PIWIL2: variants seen among roughly 807,000 people sequenced by gnomAD.
PIWIL2 encodes the protein piwi like RNA-mediated gene silencing 2, also known as piwi-like protein 2.
Under a neutral mutation model 116.5 loss-of-function variants are expected in PIWIL2, and 81 were observed. That is an observed-to-expected ratio of 0.70 (90% CI 0.58 to 0.84). The LOEUF is 0.84. Ranked by LOEUF, PIWIL2 falls within the 40% of genes least tolerant of loss-of-function variation. PIWIL2 has a pLI of 0.00. For missense variants in PIWIL2, 1,272 were observed against 1,212.3 expected, an observed-to-expected ratio of 1.05 and a Z score of -0.73; for synonymous variants, 489 against 429.5, an observed-to-expected ratio of 1.14 and a Z score of -1.71.
intron 4 of PIWIL2, 142 bp from the exon 5 acceptor site, chr8:22,282,892 G>T: frequency 1.4e-6 from 1 of 693,712 alleles, no homozygotes; most frequent in Non-Finnish European, 2.5e-6. Context: ...GCCTGGCCTT[G>T]GCATATGTAG....
intron 8 of PIWIL2, 34 bp downstream of exon 8, chr8:22,288,700 A>G: frequency 6.3e-7 from 1 of 1,579,988 alleles, no homozygotes; most frequent in Non-Finnish European, 8.6e-7. Context: ...TTGTCCTGTA[A>G]CTTCAGTCTT....
chr8:22,277,981 C>A (rs1444761201), intron 1 of PIWIL2, among the ~76,000 whole-genome samples: 1 of 151,790 alleles, frequency 6.6e-6, no homozygotes, highest in Admixed American at 6.6e-5. Flanking sequence ...CCAGCCTGAC[C>A]AACATAGAGA....
intron 10 of PIWIL2, among the ~76,000 whole-genome samples, chr8:22,290,900 T>C (rs1210612219): frequency 3.9e-5 from 6 of 152,068 alleles, no homozygotes; most frequent in African/African-American, 9.6e-5. Flanking sequence ...TGGTTTGATA[T>C]ATGCGCATGC....
At chr8:22,341,347 G>C (rs572007548) in intron 20 of PIWIL2, among the ~76,000 whole-genome samples, 100 of 151,628 alleles carry the variant, frequency 6.6e-4, no homozygotes, top group Non-Finnish European at 1.1e-3. Flanking sequence ...TGTAATTCCG[G>C]CACTTTGGGA....
intron 20 of PIWIL2, among the ~76,000 whole-genome samples, chr8:22,324,738 TA>T (rs1831683298): frequency 6.6e-6 from 1 of 152,206 alleles, no homozygotes; most frequent in African/African-American, 2.4e-5. Flanking sequence ...ATGATTAAAT[TA>T]AAATGAGGTC....
intron 13 of PIWIL2, 150 bp from the exon 14 acceptor site, chr8:22,307,783 A>G (rs979798845): frequency 1.7e-6 from 1 of 597,330 alleles, no homozygotes; most frequent in Non-Finnish European, 3.0e-6. Flanking sequence ...TCACCTTCCT[A>G]AGAGATATAT....
Position 22,326,501 on chromosome 8 carries a change from T to C in PIWIL2, c.2403+8226T>C, listed in dbSNP as rs116991637. 7.2e-5 allele frequency among the ~76,000 whole-genome samples: 11 copies of C among 152,338 alleles called. No individual in the cohort carries two copies. The East Asian group carries it at 1.7e-3, about 24-fold the overall frequency. Reference sequence around the variant, plus strand: ...CCATGCCCATTAAATAATCATTCCTTATTCACACCTTCTCCTAATTTCTGG... The same window carrying C: ...CCATGCCCATTAAATAATCATTCCTCATTCACACCTTCTCCTAATTTCTGG... On this transcript the variant is annotated intron_variant, in intron 20 of 22. Transcript: ENST00000356766.
chr8:22,294,311 C>G (rs1015962161), intron 10 of PIWIL2, among the ~76,000 whole-genome samples: 10 of 137,692 alleles, frequency 7.3e-5, no homozygotes, highest in African/African-American at 2.1e-4. Context: ...ACACTCCAGC[C>G]TGGGTGACGG....
At chr8:22,306,065 CT>C (rs771556511) in intron 13 of PIWIL2, 49 bp downstream of exon 13, 3 of 1,329,942 alleles carry the variant, frequency 2.3e-6, no homozygotes, top group African/African-American at 2.9e-5. Flanking sequence ...GTGAGGCAGC[CT>C]TTTGGTTAAC....
rs568891491 is a variant in PIWIL2 at position 22,288,843 on chromosome 8, G to A, written c.986+177G>A. Among the ~76,000 whole-genome samples, 13 of 152,330 alleles carry A rather than the reference G, an allele frequency of 8.5e-5. No individual in the cohort carries two copies. The South Asian group carries it at 2.3e-3, about 27-fold the overall frequency. ...TTACTCAAAAATTATCTCACAAGTG[G>A]TAGACCAGATTTGAATATATGAAAT... is the stretch of plus-strand genomic sequence containing the variant. On this transcript the variant is annotated intron_variant, in intron 8 of 22. Transcript: ENST00000356766.
At chr8:22,310,982 A>T (rs1370249234) in intron 15 of PIWIL2, 130 bp from the exon 16 acceptor site, 1 of 752,116 alleles carries the variant, frequency 1.3e-6, no homozygotes. Context: ...TCATGTTAAT[A>T]CAGGAGTTAG....
chr8:22,349,419 G>GTATGTATGTATATATATATATATATATA (rs1213621776), intron 20 of PIWIL2, among the ~76,000 whole-genome samples: 4 of 134,442 alleles, frequency 3.0e-5, no homozygotes, highest in African/African-American at 1.1e-4. Flanking sequence ...ATGTGTGTGT[G>GTATGTATGTATATATATATATATATATA]TATATATATA....
intron 20 of PIWIL2, among the ~76,000 whole-genome samples, chr8:22,325,832 G>T (rs549503338): frequency 6.6e-6 from 1 of 152,156 alleles, no homozygotes; most frequent in African/African-American, 2.4e-5. Flanking sequence ...CTACCAGCAG[G>T]TATGCAAAAT....
chr8:22,348,973 G>A (rs1001105324), intron 20 of PIWIL2, among the ~76,000 whole-genome samples: 1 of 152,016 alleles, frequency 6.6e-6, no homozygotes, highest in Non-Finnish European at 1.5e-5. Context: ...TGAACTCAGT[G>A]GTTAGTTGGC....
rs147945034 is a variant in PIWIL2 at position 22,304,101 on chromosome 8, G to A, written c.1262G>A (p.Arg421Gln). 2.7e-5 allele frequency: 43 copies of A among 1,611,996 alleles called. No homozygotes were observed. Among genetic ancestry groups the A allele is most frequent in the African/African-American group, 5.3e-5 (4 of 74,856 alleles). The change falls in exon 11 of 23, where the codon CGA becomes CAA. Residue 421 changes from arginine to glutamine, a missense_variant. Transcript: ENST00000356766. ...CTGGTTGGCAATATTGTTATCACCCGATATAACAATCGTACCTATCGTATT... is the reference window on the plus strand; with the variant it reads ...CTGGTTGGCAATATTGTTATCACCCAATATAACAATCGTACCTATCGTATT... Reference protein sequence around the residue: ...KLLVGNIVITRYNNRTYRIDD... With the variant: ...KLLVGNIVITQYNNRTYRIDD...
chr8:22,339,506 CAAAA>C (rs60263168), intron 20 of PIWIL2, among the ~76,000 whole-genome samples: 37 of 147,588 alleles, frequency 2.5e-4, no homozygotes, highest in Non-Finnish European at 4.4e-4. Flanking sequence ...GACTCCATCT[CAAAA>C]AAAAAACTAT....
chr8:22,320,403 G>A (rs959383127), intron 20 of PIWIL2, among the ~76,000 whole-genome samples: 12 of 151,658 alleles, frequency 7.9e-5, no homozygotes, highest in Non-Finnish European at 1.5e-4. Context: ...GAGTAGCTGG[G>A]ATTACCTGCA....
At chr8:22,328,251 G>T (rs1207357051) in intron 20 of PIWIL2, among the ~76,000 whole-genome samples, 1 of 152,080 alleles carries the variant, frequency 6.6e-6, no homozygotes, top group Admixed American at 6.6e-5. Flanking sequence ...GGATGTTTGG[G>T]TTTATTTCTG....
chr8:22,334,798 T>C (rs1047423623), intron 20 of PIWIL2, among the ~76,000 whole-genome samples: 1 of 152,086 alleles, frequency 6.6e-6, no homozygotes, highest in African/African-American at 2.4e-5. Flanking sequence ...GGCTCACACC[T>C]GTAATCCCAG....
Sources: gnomAD v4.1 joint callset for allele counts (sites outside exome capture counted in the v4.1 genomes callset) on GRCh38, gnomAD v4.1.1 for gene constraint, MANE v1.5 for transcripts, NCBI Gene and HGNC (gene_info 2026-07-23, HGNC 2026-07-21) for gene names.